The following SLC22A13 variants were observed in gnomAD, a reference collection of about 807,000 sequenced individuals.
SLC22A13 encodes organic anion transporter 10.
A neutral mutation model predicts 49.1 loss-of-function variants in SLC22A13; 42 were observed. That is an observed-to-expected ratio of 0.85 (90% confidence interval 0.67 to 1.11). SLC22A13 has a LOEUF of 1.11. SLC22A13 is among the 50% of genes least tolerant of loss of function. The pLI, the probability that SLC22A13 is intolerant of heterozygous loss-of-function variation, is 0.00. For missense variants in SLC22A13, 694 were observed against 712.8 expected (o/e 0.97, Z 0.30); for synonymous variants, 282 against 293.1 (o/e 0.96, Z 0.39).
In SLC22A13 at chr3:38,275,883, T is replaced by C; in HGVS notation, c.1024T>C (p.Phe342Leu). The change falls in exon 7 of 10, where the codon TTT (phenylalanine) becomes CTT (leucine). Residue 342 changes from phenylalanine (F) to leucine (L), a missense_variant and splice_region_variant. By Grantham distance (22) the Phe-to-Leu change is conservative. Coordinates refer to ENST00000311856, the MANE Select transcript of SLC22A13 (RefSeq NM_004256.4). ...CAGGAACCCTTCATTACCTTGTAGG[T>C]TTGTGGACAGTCTGGGGTACTACGG... ...KVTLIIFCVW[F>L]VDSLGYYGLS... is the part of the protein sequence containing the mutation. 6.2e-7 allele frequency: 1 copy of C among 1,613,748 alleles called. No homozygotes were observed. The highest frequency in any genetic ancestry group is 8.5e-7 in the Non-Finnish European group (1 of 1,179,686).
At position 38,275,097 on chromosome 3, in the gene SLC22A13, A is replaced by G. The variant is rs763161422; in HGVS notation, c.746A>G (p.Asn249Ser). 1.9e-6 allele frequency: 3 copies of G among 1,614,216 alleles called. No homozygotes were observed. Among genetic ancestry groups the G allele is most frequent in the Admixed American group, 1.7e-5 (1 of 60,030 alleles). Residue 249 changes from asparagine to serine, a missense_variant, in exon 4 of 10, where the codon AAC (asparagine) becomes AGC (serine). Physicochemically the swap from Asn to Ser is conservative, Grantham distance 46. Coordinates refer to ENST00000311856, the MANE Select transcript of SLC22A13 (RefSeq NM_004256.4). The part of the protein sequence containing the change: ...VLAGLAYGFR[N>S]WRLLQITGTA... ...GCGGGACTCGCCTACGGTTTCCGCA[A>G]CTGGAGGCTCCTTCAGATCACCGGC...
intron 1 of SLC22A13, among the ~76,000 whole-genome samples, chr3:38,273,810 T>G (rs1703546584): frequency 6.6e-6 from 1 of 152,234 alleles, no homozygotes; most frequent in Admixed American, 6.5e-5. Context: ...TTTAATGTTA[T>G]TCTTAAATAC....
chr3:38,274,521 G>C (rs1703554484), intron 2 of SLC22A13, 83 bp from the exon 3 acceptor site: 10 of 1,520,736 alleles, frequency 6.6e-6, no homozygotes, highest in Non-Finnish European at 9.0e-6. Context: ...GAGACCCCAG[G>C]ACAGGGCTGG....
Position 38,274,694 on chromosome 3 carries a change from C to G in SLC22A13, c.573C>G (p.Tyr191Ter). The change falls in exon 3 of 10, where the codon TAC becomes TAG. Residue 191 changes from tyrosine to a stop codon, truncating the protein, a stop_gained. Transcript: ENST00000311856. LOFTEE classifies it high-confidence loss of function. ...ATAFVPSFEL[Y>*]MALRFAVATA... Reference sequence around the variant, plus strand: ...CTTTTGTGCCCAGCTTTGAGCTCTACATGGCCCTGCGCTTTGCTGTGGCTA... The same window carrying G: ...CTTTTGTGCCCAGCTTTGAGCTCTAGATGGCCCTGCGCTTTGCTGTGGCTA... 6.2e-7 allele frequency: 1 copy of G among 1,614,236 alleles called. No individual in the cohort carries two copies. Among genetic ancestry groups the G allele is most frequent in the Non-Finnish European group, 8.5e-7 (1 of 1,180,032 alleles).
chr3:38,274,969 C>T lies in SLC22A13; in HGVS notation c.638-20C>T, dbSNP rs1221701714. ...TGAATGGCAGGGATTAGCCCTGTCT[C>T]AACCTCTCCATTGCCACAGTGACAG... is the stretch of plus-strand genomic sequence containing the variant. On this transcript the variant is annotated intron_variant, in intron 3 of 9. Coordinates refer to ENST00000311856, the MANE Select transcript of SLC22A13 (RefSeq NM_004256.4). 6.2e-7 allele frequency: 1 copy of T among 1,612,502 alleles called. No homozygotes were observed. Among genetic ancestry groups the T allele is most frequent in the East Asian group, 2.2e-5 (1 of 44,808 alleles).
In SLC22A13 at chr3:38,274,661, G is replaced by A; in HGVS notation, c.540G>A (p.Leu180=). 1 of 1,614,130 alleles carries A rather than the reference G, an allele frequency of 6.2e-7. No individual in the cohort carries two copies. Among genetic ancestry groups the A allele is most frequent in the Admixed American group, 1.7e-5 (1 of 60,032 alleles). Reference sequence around the variant, plus strand: ...TGCTCCTCTTCACCCTCATCGGCCTGGCCACAGCTTTTGTGCCCAGCTTTG... The same window carrying A: ...TGCTCCTCTTCACCCTCATCGGCCTAGCCACAGCTTTTGTGCCCAGCTTTG... ...AQLLLFTLIG[L]ATAFVPSFEL... Residue 180 remains leucine (L), a synonymous_variant, in exon 3 of 10, where the codon CTG becomes CTA. Transcript: ENST00000311856.
chr3:38,273,392 C>T (rs1468104881), intron 1 of SLC22A13, among the ~76,000 whole-genome samples: 1 of 152,270 alleles, frequency 6.6e-6, no homozygotes, highest in East Asian at 1.9e-4. Flanking sequence ...TCTCTCCCTC[C>T]CTCCCTCTGT....
rs1034240671 is a variant in SLC22A13, at chr3:38,277,437, TG to T, written c.1630del (p.Ala544ProfsTer3). 1 of 1,613,756 alleles carries T rather than the reference TG, an allele frequency of 6.2e-7. No homozygotes were observed. The highest frequency in any genetic ancestry group is 1.3e-5 in the African/African-American group (1 of 74,858). On this transcript the variant is annotated frameshift_variant, in exon 10 of 10. Transcript: ENST00000311856. LOFTEE classifies it high-confidence loss of function. ...AAGGGAAGAACTTCCAGCCCGGGAG[TG>T]GCCTTTGTGAGCAGCACATACTTCT... The part of the protein sequence containing the change: ...EAKGRTSSPG[V>X]AFVSSTYF
At chr3:38,275,192 A>G in intron 4 of SLC22A13, 35 bp downstream of exon 4, 4 of 1,611,544 alleles carry the variant, frequency 2.5e-6, no homozygotes, top group Non-Finnish European at 2.5e-6. Flanking sequence ...AAGCCCCCCC[A>G]GGTTAGTTGT....
At chr3:38,275,234 T>G in intron 4 of SLC22A13, 77 bp downstream of exon 4, 1 of 1,593,132 alleles carries the variant, frequency 6.3e-7, no homozygotes, top group South Asian at 1.1e-5. Flanking sequence ...AGCACCCATG[T>G]TCATAGGACA....
rs2125864804 is a variant in SLC22A13 at position 38,277,466 on chromosome 3, T to C, written c.*1T>C. 1.9e-6 allele frequency: 3 copies of C among 1,610,914 alleles called. No individual in the cohort carries two copies. Among genetic ancestry groups the C allele is most frequent in the Non-Finnish European group, 2.5e-6 (3 of 1,177,390 alleles). ...CTTTGTGAGCAGCACATACTTCTGA[T>C]TGAGGTCTCTAAGAGCTGGACCATC... is the stretch of plus-strand genomic sequence containing the variant. On this transcript the variant is annotated 3_prime_UTR_variant, in exon 10 of 10. Coordinates refer to ENST00000311856, the MANE Select transcript of SLC22A13 (RefSeq NM_004256.4).
rs149439831 is a variant in SLC22A13 at position 38,270,942 on chromosome 3, G to A, written c.379-3330G>A. On this transcript the variant is annotated intron_variant, in intron 1 of 9. Transcript: ENST00000311856. ...CTCTCCTCACCCCAACTCTTCCAAA[G>A]ACTGTGACTCCCAAGGAAATGAATG... Among the ~76,000 whole-genome samples the A allele has an allele frequency of 7.9e-5, 12 of 152,224 alleles. No individual in the cohort carries two copies. The East Asian group carries it at 2.3e-3, about 29-fold the overall frequency.
Position 38,276,383 on chromosome 3 carries a change from C to T in SLC22A13, c.1334C>T (p.Pro445Leu). 6.2e-7 allele frequency: 1 copy of T among 1,609,034 alleles called. No homozygotes were observed. Among genetic ancestry groups the T allele is most frequent in the Non-Finnish European group, 8.5e-7 (1 of 1,176,454 alleles). ...TATGTGTACTCTGCCGAGCTTTTCC[C>T]CACCATCCTCCGGTAAGAGCTGCAG... ...ISYVYSAELF[P>L]TILRQTGMGL... The change falls in exon 8 of 10, where the codon CCC (proline) becomes CTC (leucine). Residue 445 changes from proline (P) to leucine (L), a missense_variant. By Grantham distance (98) the Pro-to-Leu change is moderately conservative (BLOSUM62 -3). Transcript: ENST00000311856.
At chr3:38,273,396 CCTCT>C (rs1478413887) in intron 1 of SLC22A13, among the ~76,000 whole-genome samples, 2 of 152,138 alleles carry the variant, frequency 1.3e-5, no homozygotes, top group African/African-American at 2.4e-5. Flanking sequence ...TCCCTCCCTC[CCTCT>C]GTGTGTGCGT....
chr3:38,274,692 T>C lies in SLC22A13; in HGVS notation c.571T>C (p.Tyr191His), dbSNP rs762641762. The C allele has an allele frequency of 1.9e-6, 3 of 1,614,132 alleles. No individual in the cohort carries two copies. In the Admixed American group the frequency reaches 5.0e-5, roughly 27 times the overall value. ...AGCTTTTGTGCCCAGCTTTGAGCTC[T>C]ACATGGCCCTGCGCTTTGCTGTGGC... is the stretch of plus-strand genomic sequence containing the variant. Reference protein sequence around the residue: ...ATAFVPSFELYMALRFAVATA... With the variant: ...ATAFVPSFELHMALRFAVATA... The change falls in exon 3 of 10, where the codon TAC becomes CAC. Residue 191 changes from tyrosine (Y) to histidine (H), a missense_variant. Transcript: ENST00000311856.
chr3:38,265,911 C>T lies in SLC22A13; in HGVS notation c.51C>T (p.Phe17=). Residue 17 remains phenylalanine (F), a synonymous_variant, in exon 1 of 10, where the codon TTC becomes TTT. Transcript: ENST00000311856. ...VLAEIGDFGR[F]QIQLLILLCV... is the part of the protein sequence containing the mutation. ...CTGAAATAGGTGACTTTGGTCGCTT[C>T]CAGATACAGCTATTGATCCTGCTGT... 6.2e-7 allele frequency: 1 copy of T among 1,614,058 alleles called. No individual in the cohort carries two copies. The highest frequency in any genetic ancestry group is 1.1e-5 in the South Asian group (1 of 91,076).
Position 38,277,128 on chromosome 3 carries a change from G to A in SLC22A13, c.1562+1G>A, listed in dbSNP as rs1434188138. 1.9e-6 allele frequency: 3 copies of A among 1,554,852 alleles called. No homozygotes were observed. The highest frequency in any genetic ancestry group is 2.6e-6 in the Non-Finnish European group (3 of 1,148,668). On this transcript the variant is annotated splice_donor_variant, in intron 9 of 9. Transcript: ENST00000311856. LOFTEE classifies it high-confidence loss of function. Reference sequence around the variant, plus strand: ...ACCTGGAGCTGGGGCCTCACCCACGGTGAGCTGCTTGCTTGCACTGAAACC... The same window carrying A: ...ACCTGGAGCTGGGGCCTCACCCACGATGAGCTGCTTGCTTGCACTGAAACC...
intron 9 of SLC22A13, 98 bp downstream of exon 9, chr3:38,277,225 C>T: frequency 9.6e-6 from 11 of 1,143,432 alleles, no homozygotes; most frequent in Non-Finnish European, 1.4e-5. Context: ...TCCACTGTTG[C>T]CTAGAGGCTA....
chr3:38,278,717 G>A lies in SLC22A13; in HGVS notation c.*1252G>A, dbSNP rs367943831. ...TGCCTGTAATCCCAGCTACTTGGGA[G>A]GCTGAGGCAGGAGAATCGCTTGAAC... On this transcript the variant is annotated 3_prime_UTR_variant, in exon 10 of 10. Transcript: ENST00000311856. 2.2e-3 allele frequency among the ~76,000 whole-genome samples: 330 copies of A among 151,912 alleles called. 1 individual carries two copies. Among genetic ancestry groups the A allele is most frequent in the African/African-American group, 7.7e-3 (317 of 41,390 alleles).
Sources: gnomAD v4.1 joint callset for allele counts (sites outside exome capture counted in the v4.1 genomes callset) on GRCh38, gnomAD v4.1.1 for gene constraint, MANE v1.5 for transcripts, NCBI Gene and HGNC (gene_info 2026-07-23, HGNC 2026-07-21) for gene names.